Variants in CDH13 observed in about 807,000 individuals in gnomAD.
The protein encoded by CDH13 is cadherin 13.
CDH13 carries 24 observed loss-of-function variants against 63.8 expected under a neutral mutation model. The ratio of observed to expected loss-of-function variants is 0.38; its 90% CI spans 0.27 to 0.53. The LOEUF is 0.53. Among genes scored for constraint, CDH13 ranks in the 20% least tolerant of loss-of-function variants. CDH13 has a pLI of 0.85. For synonymous variants in CDH13, 503 were observed against 355.3 expected, an observed-to-expected ratio of 1.42 and a Z score of -4.67; for missense variants, 1,049 against 903.1, an observed-to-expected ratio of 1.16 and a Z score of -2.07.
At chr16:83,207,228 T>C (rs1321368111) in intron 4 of CDH13, among the ~76,000 whole-genome samples, 2 of 152,204 alleles carry the variant, frequency 1.3e-5, no homozygotes, top group Admixed American at 6.5e-5. Flanking sequence ...TCTATACCCA[T>C]TAAATGCTAA....
At chr16:82,991,466 G>A (rs1393172606) in intron 2 of CDH13, among the ~76,000 whole-genome samples, 3 of 152,078 alleles carry the variant, frequency 2.0e-5, no homozygotes, top group Admixed American at 6.6e-5. Flanking sequence ...CACTTCAGTT[G>A]CCATGAACTG....
At chr16:83,569,698 G>A (rs1214242373) in intron 7 of CDH13, among the ~76,000 whole-genome samples, 2 of 152,032 alleles carry the variant, frequency 1.3e-5, no homozygotes, top group Admixed American at 6.6e-5. Flanking sequence ...CTAACTCTCT[G>A]CCTGTCTGTC....
At chr16:82,802,929 C>T (rs1338326803) in intron 1 of CDH13, among the ~76,000 whole-genome samples, 3 of 152,178 alleles carry the variant, frequency 2.0e-5, no homozygotes, top group African/African-American at 7.2e-5. Flanking sequence ...AAATAAATCC[C>T]ACCCACTACG....
chr16:82,731,186 CTT>C (rs956998058), intron 1 of CDH13, among the ~76,000 whole-genome samples: 5 of 152,248 alleles, frequency 3.3e-5, no homozygotes, highest in African/African-American at 7.2e-5. Flanking sequence ...AGTCAGCAAA[CTT>C]TTTTCTGTAA....
intron 1 of CDH13, among the ~76,000 whole-genome samples, chr16:82,818,525 T>A (rs2037836605): frequency 6.6e-6 from 1 of 152,188 alleles, no homozygotes. Flanking sequence ...GGGAATAACA[T>A]TTGAGGAATC....
chr16:82,695,475 G>T (rs1222736296), intron 1 of CDH13, among the ~76,000 whole-genome samples: 1 of 152,102 alleles, frequency 6.6e-6, no homozygotes, highest in Non-Finnish European at 1.5e-5. Flanking sequence ...TTAGCACGTG[G>T]CTCCAATGGT....
chr16:82,949,679 C>CT (rs568911334), intron 2 of CDH13, among the ~76,000 whole-genome samples: 38 of 151,594 alleles, frequency 2.5e-4, no homozygotes, highest in East Asian at 3.9e-4. Flanking sequence ...TCAGAGAAAA[C>CT]TTTTTTTTTA....
intron 5 of CDH13, among the ~76,000 whole-genome samples, chr16:83,306,117 C>T (rs191695877): frequency 2.7e-4 from 41 of 152,276 alleles, no homozygotes; most frequent in African/African-American, 9.1e-4. Context: ...AAATGTCTCC[C>T]GACATTGCCA....
chr16:82,791,480 A>AC (rs2151136807), intron 1 of CDH13, among the ~76,000 whole-genome samples: 3 of 152,160 alleles, frequency 2.0e-5, no homozygotes, highest in African/African-American at 7.2e-5. Flanking sequence ...GGGTGTGGTA[A>AC]CCCCCTTTGG....
At chr16:82,925,764 A>C (rs2042285236) in intron 2 of CDH13, among the ~76,000 whole-genome samples, 1 of 152,040 alleles carries the variant, frequency 6.6e-6, no homozygotes, top group Non-Finnish European at 1.5e-5. Context: ...TAGCTCTCGC[A>C]CCCTCTCTGC....
At chr16:83,295,872 A>G (rs79482143) in intron 5 of CDH13, among the ~76,000 whole-genome samples, 3,982 of 152,292 alleles carry the variant, frequency 0.026, 169 homozygotes, top group African/African-American at 0.087. Context: ...GCACTTCTGT[A>G]TGTATTGCAG....
At chr16:83,721,147 C>G (rs1309923985) in intron 10 of CDH13, 3 of 152,276 alleles carry the variant, frequency 2.0e-5, no homozygotes, top group Non-Finnish European at 4.4e-5. Flanking sequence ...GGTGGCCACA[C>G]TCCTTTGAGG....
chr16:83,070,872 T>C (rs1273168590), intron 3 of CDH13, among the ~76,000 whole-genome samples: 1 of 120,646 alleles, frequency 8.3e-6, no homozygotes, highest in Non-Finnish European at 1.7e-5. Flanking sequence ...CCCCCCCAAA[T>C]ATCAATGACC....
intron 7 of CDH13, among the ~76,000 whole-genome samples, chr16:83,586,114 T>A (rs1257011919): frequency 1.3e-5 from 2 of 152,226 alleles, no homozygotes; most frequent in Non-Finnish European, 2.9e-5. Context: ...TAGCCATGAT[T>A]ATTATAATGA....
chr16:83,589,374 C>T (rs994302641), intron 7 of CDH13, among the ~76,000 whole-genome samples: 14 of 146,580 alleles, frequency 9.6e-5, no homozygotes, highest in Non-Finnish European at 1.9e-4. Context: ...CTCTCCCTCT[C>T]CCCCAACACC....
intron 2 of CDH13, among the ~76,000 whole-genome samples, chr16:82,964,703 T>A (rs1239209743): frequency 6.6e-6 from 1 of 152,228 alleles, no homozygotes; most frequent in East Asian, 1.9e-4. Context: ...GTGTAGCCAG[T>A]GTAATTTAGA....
chr16:83,486,085 G>A (rs906056862), intron 6 of CDH13, among the ~76,000 whole-genome samples: 3 of 151,974 alleles, frequency 2.0e-5, no homozygotes, highest in Admixed American at 2.0e-4. Flanking sequence ...GGAGGTTGCA[G>A]TAAGCCAAGA....
At chr16:82,881,132 G>T (rs192946778) in intron 2 of CDH13, among the ~76,000 whole-genome samples, 1 of 152,216 alleles carries the variant, frequency 6.6e-6, no homozygotes, top group Admixed American at 6.5e-5. Flanking sequence ...GTATGGAAAA[G>T]GCATATAGCA....
chr16:83,295,074 T>C (rs538787674), intron 5 of CDH13, among the ~76,000 whole-genome samples: 7 of 152,022 alleles, frequency 4.6e-5, no homozygotes, highest in Admixed American at 2.6e-4. Context: ...AGAAATAAAC[T>C]CATGCATCTA....
Sources: gnomAD v4.1 joint callset for allele counts (sites outside exome capture counted in the v4.1 genomes callset) on GRCh38, gnomAD v4.1.1 for gene constraint, MANE v1.5 for transcripts, NCBI Gene and HGNC (gene_info 2026-07-23, HGNC 2026-07-21) for gene names.